The following FGF14 variants were observed in gnomAD, a reference collection of about 807,000 sequenced individuals.
The protein encoded by FGF14 is fibroblast growth factor 14.
FGF14 carries 5 observed loss-of-function variants against 25.5 expected under a neutral mutation model. The observed-to-expected ratio is 0.20, with a 90% CI of 0.10 to 0.41. The LOEUF (loss-of-function observed/expected upper bound fraction) is 0.41. Ranked by LOEUF, FGF14 falls within the 10% of genes least tolerant of loss-of-function variation. FGF14 has a pLI of 1.00. For missense variants in FGF14, 222 were observed against 320.1 expected, an observed-to-expected ratio of 0.69 and a Z score of 2.34; for synonymous variants, 138 against 118.3, an observed-to-expected ratio of 1.17 and a Z score of -1.08.
chr13:102,275,935 G>A (rs2053514131), intron 1 of FGF14, among the ~76,000 whole-genome samples: 1 of 151,996 alleles, frequency 6.6e-6, no homozygotes, highest in African/African-American at 2.4e-5. Flanking sequence ...TTGAGTTTAA[G>A]AGCAATGAAC....
chr13:101,789,063 C>G (rs1312119702), intron 3 of FGF14, among the ~76,000 whole-genome samples: 1 of 151,078 alleles, frequency 6.6e-6, no homozygotes, highest in Non-Finnish European at 1.5e-5. Flanking sequence ...TTTTCCAAAT[C>G]TTTCTTCAGG....
intron 1 of FGF14, among the ~76,000 whole-genome samples, chr13:102,347,646 A>T (rs1325462639): frequency 6.6e-6 from 1 of 152,220 alleles, no homozygotes; most frequent in Non-Finnish European, 1.5e-5. Flanking sequence ...TGCCCTGGCC[A>T]TGAAACACAC....
At chr13:102,201,088 G>A (rs920297670) in intron 1 of FGF14, among the ~76,000 whole-genome samples, 16 of 112,876 alleles carry the variant, frequency 1.4e-4, no homozygotes, top group South Asian at 3.3e-4. Context: ...GCGACAGAGC[G>A]AGACTCCGTC....
At chr13:101,938,673 T>A (rs2035256884) in intron 1 of FGF14, among the ~76,000 whole-genome samples, 1 of 152,356 alleles carries the variant, frequency 6.6e-6, no homozygotes, top group East Asian at 1.9e-4. Context: ...AGCACATTTT[T>A]AAAATATAAT....
chr13:102,236,706 C>T (rs1566848108), intron 1 of FGF14, among the ~76,000 whole-genome samples: 1 of 152,146 alleles, frequency 6.6e-6, no homozygotes, highest in East Asian at 1.9e-4. Context: ...TCAAACAATT[C>T]ACACTGAGCA....
At chr13:101,904,028 C>A (rs535314954) in intron 1 of FGF14, among the ~76,000 whole-genome samples, 2 of 152,290 alleles carry the variant, frequency 1.3e-5, no homozygotes, top group South Asian at 4.2e-4. Context: ...ACACTACTGT[C>A]TCAATGTTCT....
At chr13:102,360,794 T>C (rs1193504555) in intron 1 of FGF14, among the ~76,000 whole-genome samples, 2 of 152,168 alleles carry the variant, frequency 1.3e-5, no homozygotes, top group East Asian at 1.9e-4. Flanking sequence ...ACAATTCTTA[T>C]GTCCTCGTGT....
chr13:102,014,255 A>G (rs938558322), intron 1 of FGF14, among the ~76,000 whole-genome samples: 8 of 152,260 alleles, frequency 5.3e-5, no homozygotes, highest in South Asian at 2.1e-4. Context: ...AAAGACTTCT[A>G]AACATTTTGG....
At chr13:102,040,989 T>C (rs2041705194) in intron 1 of FGF14, among the ~76,000 whole-genome samples, 1 of 152,040 alleles carries the variant, frequency 6.6e-6, no homozygotes, top group African/African-American at 2.4e-5. Context: ...GAGCCAATGT[T>C]TACTTACCCA....
At chr13:102,033,148 A>C (rs949016306) in intron 1 of FGF14, among the ~76,000 whole-genome samples, 7 of 152,126 alleles carry the variant, frequency 4.6e-5, no homozygotes, top group Non-Finnish European at 1.5e-5. Flanking sequence ...CAGTATTTAT[A>C]GTATCTTCAT....
chr13:101,771,933 C>G (rs1594192694), intron 3 of FGF14, among the ~76,000 whole-genome samples: 1 of 151,834 alleles, frequency 6.6e-6, no homozygotes, highest in East Asian at 1.9e-4. Flanking sequence ...ATGTATAAAA[C>G]AATGTTGTCA....
At chr13:102,302,719 G>A (rs1222034047) in intron 1 of FGF14, among the ~76,000 whole-genome samples, 2 of 152,082 alleles carry the variant, frequency 1.3e-5, no homozygotes, top group African/African-American at 2.4e-5. Flanking sequence ...AAAATAACTC[G>A]AATGATCTTT....
chr13:101,920,683 C>A (rs959985717), upstream of FGF14, among the ~76,000 whole-genome samples: 2 of 151,706 alleles, frequency 1.3e-5, no homozygotes, highest in South Asian at 2.1e-4. Flanking sequence ...CTCACCACCA[C>A]CCCCCCACAG....
At position 101,713,827 on chromosome 13, in the gene FGF14, T is replaced by C. The variant is rs1031444274; in HGVS notation, c.*9004A>G. Reference sequence around the variant, plus strand: ...CCAGAGCCTCATAAAATATGAACTTTGGGAGTAATTTGAGCTATCCCAGTT... The same window carrying C: ...CCAGAGCCTCATAAAATATGAACTTCGGGAGTAATTTGAGCTATCCCAGTT... On this transcript the variant is annotated 3_prime_UTR_variant, in exon 5 of 5. Transcript: ENST00000376143. The C allele has an allele frequency of 1.3e-5, 2 of 152,118 alleles. No homozygotes were observed. The highest frequency in any genetic ancestry group is 2.9e-5 in the Non-Finnish European group (2 of 68,030). The allele number at this position is 152,118 out of a possible 1,614,324, so 9.4% of individuals were successfully genotyped here. A position where few individuals can be genotyped will look rare whatever the true frequency, so the allele number is the denominator to read the frequency against.
chr13:102,238,438 C>T (rs1328469718), intron 1 of FGF14, among the ~76,000 whole-genome samples: 1 of 152,198 alleles, frequency 6.6e-6, no homozygotes, highest in East Asian at 1.9e-4. Flanking sequence ...AGAAGATACA[C>T]ATTTCATCAG....
chr13:102,007,947 C>T (rs1160947208), intron 1 of FGF14, among the ~76,000 whole-genome samples: 2 of 152,188 alleles, frequency 1.3e-5, no homozygotes, highest in East Asian at 3.9e-4. Context: ...CTTTAGATTG[C>T]ATTGGAATGG....
intron 1 of FGF14, among the ~76,000 whole-genome samples, chr13:101,961,531 T>C (rs780189469): frequency 6.6e-6 from 1 of 152,184 alleles, no homozygotes; most frequent in Non-Finnish European, 1.5e-5. Context: ...TTCTCTATTC[T>C]GTTCCATTGG....
intron 1 of FGF14, among the ~76,000 whole-genome samples, chr13:102,324,714 A>C (rs2056365830): frequency 6.6e-6 from 1 of 152,206 alleles, no homozygotes; most frequent in African/African-American, 2.4e-5. Context: ...TTTGTTTTAC[A>C]TATTAGGAAA....
chr13:102,041,902 A>C (rs2041761029), intron 1 of FGF14, among the ~76,000 whole-genome samples: 1 of 152,114 alleles, frequency 6.6e-6, no homozygotes, highest in Non-Finnish European at 1.5e-5. Context: ...AATTTCCTTC[A>C]CATTTCTCCT....
Sources: gnomAD v4.1 joint callset for allele counts (sites outside exome capture counted in the v4.1 genomes callset) on GRCh38, gnomAD v4.1.1 for gene constraint, MANE v1.5 for transcripts, NCBI Gene and HGNC (gene_info 2026-07-23, HGNC 2026-07-21) for gene names.